AKAP9: variants seen among roughly 807,000 people sequenced by gnomAD.
AKAP9 encodes A-kinase anchoring protein 9.
Under a neutral mutation model 488.5 loss-of-function variants are expected in AKAP9, and 311 were observed. The observed-to-expected ratio is 0.64, with a 90% CI of 0.58 to 0.70. AKAP9 has a LOEUF of 0.70. Among genes scored for constraint, AKAP9 ranks in the 30% least tolerant of loss-of-function variants. AKAP9 has a pLI of 0.00. For missense variants in AKAP9, 4,215 were observed against 4,374.5 expected (o/e 0.96, Z 1.03); for synonymous variants, 1,462 against 1,483.5 (o/e 0.99, Z 0.33).
intron 27 of AKAP9, 99 bp from the exon 28 acceptor site, chr7:92,070,806 C>CAAA (rs34613656): frequency 0.01 from 4,626 of 456,026 alleles, no homozygotes; most frequent in South Asian, 0.014. Flanking sequence ...TGCTGCTTCT[C>CAAA]AAAAAAAAAA....
At position 91,941,084 on chromosome 7, in the gene AKAP9, C is replaced by T. The variant is rs765260329; in HGVS notation, c.-16C>T. 40 of 1,613,294 alleles carry T rather than the reference C, an allele frequency of 2.5e-5. No individual in the cohort carries two copies. The East Asian group carries it at 6.5e-4, about 26-fold the overall frequency. On this transcript the variant is annotated 5_prime_UTR_variant, in exon 1 of 50. Coordinates refer to ENST00000356239, the MANE Select transcript of AKAP9 (RefSeq NM_005751.5). The stretch of plus-strand genomic sequence containing the variant: ...CCCCTCAACCCCTGTTTTCCCCTGC[C>T]TTCCTTGCAGAGGCCATGGAGGACG...
Position 92,065,183 on chromosome 7 carries a change from A to G in AKAP9, c.5978-48A>G, listed in dbSNP as rs777658086. 7 of 1,268,346 alleles carry G rather than the reference A, an allele frequency of 5.5e-6. No homozygotes were observed. In the East Asian group the frequency reaches 1.7e-4, roughly 32 times the overall value. The allele number at this position is 1,268,346 out of a possible 1,614,324, so 78.6% of individuals were successfully genotyped here. ...AGTTATCAGGGATTTCATTATCATAAGATCATTAATTGTGATTTAATTCAG... is the reference window on the plus strand; with the variant it reads ...AGTTATCAGGGATTTCATTATCATAGGATCATTAATTGTGATTTAATTCAG... On this transcript the variant is annotated intron_variant, in intron 24 of 49. Transcript: ENST00000356239.
At position 92,041,726 on chromosome 7, in the gene AKAP9, T is replaced by TA. The variant is rs1316443240; in HGVS notation, c.4918-316dup. The TA allele has an allele frequency of 2.6e-5, 7 of 270,218 alleles. No homozygotes were observed. The East Asian group carries it at 6.3e-4, about 24-fold the overall frequency. 16.7% of individuals were successfully genotyped at this position (270,218 alleles called of 1,614,324 possible). On this transcript the variant is annotated intron_variant, in intron 18 of 49. Coordinates refer to ENST00000356239, the MANE Select transcript of AKAP9 (RefSeq NM_005751.5). ...TAATAAGATAATTGGGAGCTGAGCA[T>TA]AAAACATTATTTGGAAAAATTAACT...
rs1291248366 is a variant in AKAP9, at chr7:92,022,863, T to C, written c.4002T>C (p.Thr1334=). Residue 1334 remains threonine (T), a synonymous_variant, in exon 14 of 50, where the codon ACT becomes ACC. Coordinates refer to ENST00000356239, the MANE Select transcript of AKAP9 (RefSeq NM_005751.5). The part of the protein sequence containing the change: ...KLSSLQDLEK[T]KLEEQVQELE... ...CTTCTCTGCAAGATCTTGAAAAAAC[T>C]AAACTTGAAGAACAAGTTCAAGAAT... The C allele has an allele frequency of 6.9e-7, 1 of 1,455,700 alleles. No individual in the cohort carries two copies. Among genetic ancestry groups the C allele is most frequent in the Non-Finnish European group, 9.3e-7 (1 of 1,072,372 alleles). 90.2% of individuals were successfully genotyped at this position (1,455,700 alleles called of 1,614,324 possible).
chr7:92,012,660 T>A lies in AKAP9; in HGVS notation c.3532+18T>A. 6.4e-7 allele frequency: 1 copy of A among 1,572,440 alleles called. No homozygotes were observed. Among genetic ancestry groups the A allele is most frequent in the Non-Finnish European group, 8.7e-7 (1 of 1,143,672 alleles). On this transcript the variant is annotated intron_variant, in intron 9 of 49. Transcript: ENST00000356239. ...AGAAACAGGTAAAATGGTTTCTGAC[T>A]TATAAGTACCATGATCCAAATAAGT...
intron 16 of AKAP9, among the ~76,000 whole-genome samples, chr7:92,037,980 A>G (rs2130775300): frequency 6.6e-6 from 1 of 152,312 alleles, no homozygotes; most frequent in East Asian, 1.9e-4. Flanking sequence ...GTTAAGCTAC[A>G]AAAACTGGTT....
intron 3 of AKAP9, among the ~76,000 whole-genome samples, 162 bp downstream of exon 3, chr7:91,980,495 C>CTTTTTTTTTTTTTTTTATTTTTT (rs1796261817): frequency 2.1e-5 from 1 of 48,756 alleles, no homozygotes; most frequent in South Asian, 1.1e-3. Flanking sequence ...GTATTACTGA[C>CTTTTTTTTTTTTTTTTATTTTTT]TTTTTTTTTT....
chr7:91,984,085 T>C lies in AKAP9; in HGVS notation c.351+3752T>C, dbSNP rs531373570. Among the ~76,000 whole-genome samples, 164 of 152,338 alleles carry C rather than the reference T, an allele frequency of 1.1e-3. 1 individual carries two copies. The highest frequency in any genetic ancestry group is 3.9e-3 in the African/African-American group (162 of 41,588). ...ATTTTCTCCCATTCTGTAGGTTGCC[T>C]TTTCACTCTGATGGTAGTTTCTTTT... On this transcript the variant is annotated intron_variant, in intron 3 of 49. Coordinates refer to ENST00000356239, the MANE Select transcript of AKAP9 (RefSeq NM_005751.5).
intron 31 of AKAP9, among the ~76,000 whole-genome samples, chr7:92,081,501 T>A (rs1401832204): frequency 4.1e-5 from 6 of 144,904 alleles, no homozygotes; most frequent in Admixed American, 1.4e-4. Context: ...ATATATATTT[T>A]TTTTTTTTTA....
intron 40 of AKAP9, among the ~76,000 whole-genome samples, chr7:92,096,115 ATTC>A (rs1333311217): frequency 3.3e-5 from 5 of 152,170 alleles, no homozygotes; most frequent in Non-Finnish European, 7.3e-5. Flanking sequence ...AAAGGTTGTT[ATTC>A]TTATAAGAAA....
At chr7:92,056,121 G>A (rs1007756386) in intron 22 of AKAP9, among the ~76,000 whole-genome samples, 7 of 151,910 alleles carry the variant, frequency 4.6e-5, no homozygotes, top group African/African-American at 1.7e-4. Flanking sequence ...TATGAGGGCT[G>A]TTTGCCCTAT....
At chr7:92,058,446 A>G (rs1200235031) in intron 22 of AKAP9, 2 of 444,840 alleles carry the variant, frequency 4.5e-6, no homozygotes, top group South Asian at 1.9e-5. Context: ...TTAGTTAAAC[A>G]CTATAATGAG....
intron 1 of AKAP9, among the ~76,000 whole-genome samples, chr7:91,957,416 C>T (rs1362175250): frequency 1.3e-5 from 2 of 152,126 alleles, no homozygotes; most frequent in African/African-American, 2.4e-5. Flanking sequence ...TGAATTATTT[C>T]TGAGTTTCCT....
chr7:92,084,756 G>C, intron 34 of AKAP9, 53 bp downstream of exon 34: 1 of 1,605,804 alleles, frequency 6.2e-7, no homozygotes, highest in South Asian at 1.1e-5. Flanking sequence ...AGAAATAATA[G>C]TTTTTTGGGG....
intron 14 of AKAP9, among the ~76,000 whole-genome samples, chr7:92,024,138 G>A (rs1418693284): frequency 6.6e-6 from 1 of 151,292 alleles, no homozygotes; most frequent in Admixed American, 6.6e-5. Flanking sequence ...TAGGCTGGTC[G>A]TGGTGGCTCA....
intron 38 of AKAP9, among the ~76,000 whole-genome samples, chr7:92,091,166 C>A (rs529267496): frequency 7.4e-4 from 112 of 152,252 alleles, no homozygotes; most frequent in South Asian, 4.4e-3. Flanking sequence ...AAAGTGAAAT[C>A]TAATTTTCAT....
rs760043880 is a variant in AKAP9, at chr7:92,022,943, A to T, written c.4082A>T (p.Tyr1361Phe). ...QQQLKETEQNYEAEIHCLQKR... is the reference protein window; with the variant it reads ...QQQLKETEQNFEAEIHCLQKR... ...CAGTTGAAAGAAACTGAACAAAACTATGAGGCAGAGATCCACTGTTTACAG... is the reference window on the plus strand; with the variant it reads ...CAGTTGAAAGAAACTGAACAAAACTTTGAGGCAGAGATCCACTGTTTACAG... Residue 1361 changes from tyrosine (Y) to phenylalanine (F), a missense_variant, in exon 14 of 50, where the codon TAT becomes TTT. Physicochemically the swap from Tyr to Phe is conservative, Grantham distance 22. This residue lies in a region of AKAP9 where 2,361 missense variants were observed against 2,430.0 expected (regional missense o/e 0.97). Coordinates refer to ENST00000356239, the MANE Select transcript of AKAP9 (RefSeq NM_005751.5). The T allele has an allele frequency of 5.6e-6, 9 of 1,614,068 alleles. No individual in the cohort carries two copies. The East Asian group carries it at 2.0e-4, about 36-fold the overall frequency.
chr7:92,029,231 GA>G (rs1771734732), intron 14 of AKAP9, among the ~76,000 whole-genome samples: 1 of 55,136 alleles, frequency 1.8e-5, no homozygotes, highest in Non-Finnish European at 3.9e-5. Flanking sequence ...ACACAATACA[GA>G]TGTGAATACC....
At chr7:92,038,986 A>C (rs960497406) in intron 17 of AKAP9, among the ~76,000 whole-genome samples, 4 of 151,958 alleles carry the variant, frequency 2.6e-5, no homozygotes, top group African/African-American at 7.3e-5. Context: ...GCTCACTGCA[A>C]CCTCCATCTC....
Sources: gnomAD v4.1 joint callset for allele counts (sites outside exome capture counted in the v4.1 genomes callset) on GRCh38, gnomAD v4.1.1 for gene constraint, gnomAD v4.1.1 regional missense constraint, MANE v1.5 for transcripts, NCBI Gene and HGNC (gene_info 2026-07-23, HGNC 2026-07-21) for gene names.